Variants in FARS2 observed in about 807,000 individuals in gnomAD.
FARS2 encodes phenylalanine--tRNA ligase, mitochondrial.
FARS2 carries 40 observed loss-of-function variants against 46.4 expected under a neutral mutation model. The ratio of observed to expected loss-of-function variants is 0.86; its 90% confidence interval spans 0.67 to 1.12. The LOEUF (loss-of-function observed/expected upper bound fraction) is 1.12. Among genes scored for constraint, FARS2 ranks in the 50% most tolerant of loss-of-function variants. FARS2 has a pLI of 0.00. For synonymous variants in FARS2, 234 were observed against 214.9 expected (o/e 1.09, Z -0.78); for missense variants, 513 against 567.9 (o/e 0.90, Z 0.98).
At chr6:5,507,416 G>A (rs1768163525) in intron 4 of FARS2, among the ~76,000 whole-genome samples, 1 of 152,098 alleles carries the variant, frequency 6.6e-6, no homozygotes, top group Non-Finnish European at 1.5e-5. Flanking sequence ...TTTAGCTCCT[G>A]TTGATTCGTA....
chr6:5,260,964 G>A (rs1217660320), upstream of FARS2: 6 of 1,281,306 alleles, frequency 4.7e-6, no homozygotes, highest in Non-Finnish European at 5.9e-6. Flanking sequence ...GCAGCTAAGG[G>A]GGCGGTGCTG....
At chr6:5,567,620 G>A (rs1772395107) in intron 5 of FARS2, among the ~76,000 whole-genome samples, 1 of 152,152 alleles carries the variant, frequency 6.6e-6, no homozygotes, top group Non-Finnish European at 1.5e-5. Context: ...ATCACCCTAG[G>A]TCCTACATGT....
intron 5 of FARS2, among the ~76,000 whole-genome samples, chr6:5,553,405 C>T (rs1771479567): frequency 6.6e-6 from 1 of 152,168 alleles, no homozygotes; most frequent in Non-Finnish European, 1.5e-5. Flanking sequence ...TTAATTTTCT[C>T]AGTAACCCTC....
chr6:5,317,238 C>T (rs1009509535), intron 1 of FARS2, among the ~76,000 whole-genome samples: 2 of 152,204 alleles, frequency 1.3e-5, no homozygotes, highest in African/African-American at 4.8e-5. Flanking sequence ...TACCTCAGTT[C>T]TTTCACATAA....
At chr6:5,270,905 ATTC>A (rs1178663234) in intron 1 of FARS2, among the ~76,000 whole-genome samples, 3 of 152,082 alleles carry the variant, frequency 2.0e-5, no homozygotes, top group Non-Finnish European at 2.9e-5. Flanking sequence ...CTTGCTAATT[ATTC>A]TTCTGATCTC....
intron 6 of FARS2, among the ~76,000 whole-genome samples, chr6:5,722,548 C>T (rs1382819407): frequency 6.6e-6 from 1 of 152,196 alleles, no homozygotes; most frequent in Non-Finnish European, 1.5e-5. Flanking sequence ...ATAGCCAGCC[C>T]AGGCTTGATG....
chr6:5,544,272 A>G (rs1770822512), intron 4 of FARS2, among the ~76,000 whole-genome samples: 1 of 152,216 alleles, frequency 6.6e-6, no homozygotes, highest in African/African-American at 2.4e-5. Flanking sequence ...AAGCAGTCAC[A>G]GGCTTAAATT....
chr6:5,380,765 T>C lies in FARS2; in HGVS notation c.612+11583T>C, dbSNP rs1027840351. Among the ~76,000 whole-genome samples, 10 of 152,338 alleles carry C rather than the reference T, an allele frequency of 6.6e-5. No individual in the cohort carries two copies. The East Asian group carries it at 1.9e-3, about 29-fold the overall frequency. On this transcript the variant is annotated intron_variant, in intron 2 of 6. Transcript: ENST00000274680. ...TCCGAGGCTTCGTCCTAAAATCTGC[T>C]TTCTGTGTCATCTCCCTGACTCATC...
chr6:5,554,737 A>G (rs1771558060), intron 5 of FARS2, among the ~76,000 whole-genome samples: 1 of 152,184 alleles, frequency 6.6e-6, no homozygotes, highest in Non-Finnish European at 1.5e-5. Flanking sequence ...AGATTCTGAA[A>G]CTGAGGCTTA....
intron 1 of FARS2, among the ~76,000 whole-genome samples, chr6:5,270,609 A>G (rs28624448): frequency 0.031 from 4,695 of 152,274 alleles, 233 homozygotes; most frequent in African/African-American, 0.1. Context: ...ACTGGTGGTC[A>G]GGTATGTTCC....
intron 6 of FARS2, among the ~76,000 whole-genome samples, chr6:5,627,204 A>G (rs967235955): frequency 4.6e-5 from 7 of 152,210 alleles, no homozygotes; most frequent in East Asian, 3.8e-4. Context: ...GCCGTTGTGC[A>G]GTGCATGACT....
chr6:5,343,485 T>TGTA lies in FARS2; in HGVS notation c.-21-25065_-21-25064insGTA, dbSNP rs1325135287. On this transcript the variant is annotated intron_variant, in intron 1 of 6. Transcript: ENST00000274680. This position sits in a 1 kb window ranked among gnomAD's most constrained non-coding sequence, Gnocchi z 4.5. The stretch of plus-strand genomic sequence containing the variant: ...CCTCGGCCTCTGAAAGTGCTGGGAT[T>TGTA]ACAGGCGTGAACCACCGCGCCTGGC... Among the ~76,000 whole-genome samples the TGTA allele has an allele frequency of 1.3e-5, 2 of 152,198 alleles. No homozygotes were observed. The highest frequency in any genetic ancestry group is 4.8e-5 in the African/African-American group (2 of 41,436).
At chr6:5,285,692 A>C (rs1767058022) in intron 1 of FARS2, among the ~76,000 whole-genome samples, 1 of 152,186 alleles carries the variant, frequency 6.6e-6, no homozygotes. Flanking sequence ...AGGCGTTCAT[A>C]TCTCTTGAAA....
intron 1 of FARS2, among the ~76,000 whole-genome samples, chr6:5,290,252 A>G (rs1767409773): frequency 6.6e-6 from 1 of 152,154 alleles, no homozygotes; most frequent in African/African-American, 2.4e-5. Flanking sequence ...TGTGTGAGGG[A>G]AACAGTAATG....
chr6:5,652,719 A>T (rs1777428135), intron 6 of FARS2, among the ~76,000 whole-genome samples: 1 of 152,232 alleles, frequency 6.6e-6, no homozygotes. Flanking sequence ...GCCTGGATTG[A>T]GGCCCAGCAA....
At chr6:5,580,673 G>C (rs553482781) in intron 5 of FARS2, among the ~76,000 whole-genome samples, 1 of 152,154 alleles carries the variant, frequency 6.6e-6, no homozygotes, top group African/African-American at 2.4e-5. Flanking sequence ...TGTGTGCAGG[G>C]ATAGTGCTAG....
intron 3 of FARS2, among the ~76,000 whole-genome samples, chr6:5,420,700 A>C (rs1762496417): frequency 6.6e-6 from 1 of 152,158 alleles, no homozygotes; most frequent in Non-Finnish European, 1.5e-5. Context: ...TTTGCAGGGT[A>C]CAGCCTCCTT....
intron 2 of FARS2, among the ~76,000 whole-genome samples, chr6:5,369,664 G>C (rs988134603): frequency 1.3e-5 from 2 of 152,116 alleles, no homozygotes; most frequent in Admixed American, 6.6e-5. Flanking sequence ...ACTGTGTCTT[G>C]TCCCCAGGCA....
intron 2 of FARS2, among the ~76,000 whole-genome samples, chr6:5,372,439 A>G (rs1185793998): frequency 1.3e-5 from 2 of 152,168 alleles, no homozygotes; most frequent in East Asian, 1.9e-4. Flanking sequence ...GTATAGTCAT[A>G]TGGATTTCTA....
Sources: gnomAD v4.1 joint callset for allele counts (sites outside exome capture counted in the v4.1 genomes callset) on GRCh38, gnomAD v4.1.1 for gene constraint, Gnocchi (gnomAD v3.1) non-coding constraint, MANE v1.5 for transcripts, NCBI Gene and HGNC (gene_info 2026-07-23, HGNC 2026-07-21) for gene names.